The following GYS2 variants were observed in gnomAD, a reference collection of about 807,000 sequenced individuals.
GYS2 encodes the protein glycogen [starch] synthase, liver.
Under a neutral mutation model 85.6 loss-of-function variants are expected in GYS2, and 80 were observed. That is an observed-to-expected ratio of 0.93 (90% CI 0.78 to 1.13). The LOEUF (loss-of-function observed/expected upper bound fraction) is 1.13, where lower values mean the gene tolerates loss of function less well. Ranked by LOEUF, GYS2 falls within the 50% of genes most tolerant of loss-of-function variation. The probability of loss-of-function intolerance (pLI) is 0.00; values close to 1 mark genes in which losing one functional copy is unlikely to be tolerated. For missense variants in GYS2, 881 were observed against 854.9 expected (o/e 1.03, Z -0.38); for synonymous variants, 328 against 300.7 (o/e 1.09, Z -0.94).
At chr12:21,535,065 C>A (rs1327143150), downstream of GYS2, 1 of 152,180 alleles carries the variant, frequency 6.6e-6, no homozygotes, top group African/African-American at 2.4e-5. Context: ...GAATAGGGGA[C>A]TGAGTACAGG....
At chr12:21,545,712 AT>A (rs1944030657) in intron 12 of GYS2, among the ~76,000 whole-genome samples, 1 of 152,190 alleles carries the variant, frequency 6.6e-6, no homozygotes, top group African/African-American at 2.4e-5. Context: ...ATAAAATAAA[AT>A]AACAAAGGAG....
chr12:21,549,801 AATG>A (rs1238132087), intron 11 of GYS2, among the ~76,000 whole-genome samples: 2 of 152,030 alleles, frequency 1.3e-5, no homozygotes, highest in Non-Finnish European at 2.9e-5. Flanking sequence ...TTTTTTCATT[AATG>A]ATGATGTTTA....
chr12:21,537,384 A>T (rs1427274315), intron 15 of GYS2: 1 of 597,416 alleles, frequency 1.7e-6, no homozygotes, highest in Non-Finnish European at 3.0e-6. Flanking sequence ...AAGTACTGAA[A>T]TGTGCTAAGT....
intron 11 of GYS2, among the ~76,000 whole-genome samples, chr12:21,557,823 C>T (rs376555699): frequency 5.3e-5 from 8 of 152,006 alleles, no homozygotes; most frequent in African/African-American, 1.7e-4. Flanking sequence ...GGTGTGGACC[C>T]GGGAGGCGGA....
At chr12:21,551,440 C>T (rs951750200) in intron 11 of GYS2, among the ~76,000 whole-genome samples, 2 of 151,532 alleles carry the variant, frequency 1.3e-5, no homozygotes, top group Non-Finnish European at 2.9e-5. Flanking sequence ...GAAGATAAGA[C>T]ATAAAGAGGG....
chr12:21,597,095 A>G (rs1197774767), intron 1 of GYS2, among the ~76,000 whole-genome samples: 4 of 152,162 alleles, frequency 2.6e-5, no homozygotes, highest in Non-Finnish European at 5.9e-5. Flanking sequence ...ACTTAAAACT[A>G]TAAAACTACT....
intron 1 of GYS2, among the ~76,000 whole-genome samples, chr12:21,586,776 A>G (rs1944579389): frequency 6.6e-6 from 1 of 152,216 alleles, no homozygotes; most frequent in Non-Finnish European, 1.5e-5. Context: ...GATTTCTTAA[A>G]GAACTAGAAA....
At chr12:21,543,163 T>TA (rs1943999309) in intron 12 of GYS2, among the ~76,000 whole-genome samples, 8 of 152,232 alleles carry the variant, frequency 5.3e-5, no homozygotes, top group Admixed American at 5.2e-4. Context: ...AAATAACTGA[T>TA]ATGTCTTAAA....
At chr12:21,601,109 C>T (rs1944751525) in intron 1 of GYS2, among the ~76,000 whole-genome samples, 1 of 152,074 alleles carries the variant, frequency 6.6e-6, no homozygotes, top group Non-Finnish European at 1.5e-5. Context: ...ATGTTAATTT[C>T]TCCAGAGTTT....
chr12:21,573,891 C>CCCT (rs1944413854), intron 4 of GYS2, among the ~76,000 whole-genome samples: 1 of 152,194 alleles, frequency 6.6e-6, no homozygotes. Flanking sequence ...CCTACCATAT[C>CCCT]CCTCTGGAAC....
In GYS2 at chr12:21,589,566, A is replaced by T. The variant is rs1230531879; in HGVS notation, c.122-9043T>A. Among the ~76,000 whole-genome samples the T allele has an allele frequency of 2.0e-5, 3 of 152,204 alleles. No homozygotes were observed. In the East Asian group the frequency reaches 5.8e-4, roughly 29 times the overall value. On this transcript the variant is annotated intron_variant, in intron 1 of 15. Coordinates refer to ENST00000261195, the MANE Select transcript of GYS2 (RefSeq NM_021957.4). The stretch of plus-strand genomic sequence containing the variant: ...TTCTGGAATTCAACAGAGAAGTGAC[A>T]GGAAGCATCTAAGGCAATGAAGGGG...
At chr12:21,548,214 AT>A (rs890772734) in intron 11 of GYS2, among the ~76,000 whole-genome samples, 11 of 151,750 alleles carry the variant, frequency 7.2e-5, no homozygotes, top group South Asian at 2.1e-4. Context: ...CATGGAGAAA[AT>A]TTTTTTTTTG....
At chr12:21,602,409 C>T (rs1430589963) in intron 1 of GYS2, among the ~76,000 whole-genome samples, 1 of 151,934 alleles carries the variant, frequency 6.6e-6, no homozygotes, top group African/African-American at 2.4e-5. Context: ...TACCTCATAT[C>T]ACTACTATGA....
chr12:21,541,440 CG>C, intron 13 of GYS2, among the ~76,000 whole-genome samples: 1 of 151,866 alleles, frequency 6.6e-6, no homozygotes, highest in Non-Finnish European at 1.5e-5. Flanking sequence ...TAAGTTGTCA[CG>C]GGCCTTTAAA....
chr12:21,546,920 A>G (rs887128960), intron 11 of GYS2, among the ~76,000 whole-genome samples: 5 of 152,308 alleles, frequency 3.3e-5, no homozygotes, highest in Middle Eastern at 3.4e-3. Context: ...CTGAAATGGA[A>G]CTAAGGGACA....
chr12:21,557,976 G>A (rs898760082), intron 11 of GYS2, among the ~76,000 whole-genome samples: 1 of 152,118 alleles, frequency 6.6e-6, no homozygotes. Flanking sequence ...GGAAATAAAT[G>A]CTAGAATTGT....
chr12:21,539,269 A>C lies in GYS2; in HGVS notation c.1879T>G (p.Ser627Ala). Residue 627 changes from serine to alanine, a missense_variant, in exon 15 of 16, where the codon TCA (serine) becomes GCA (alanine). Coordinates refer to ENST00000261195, the MANE Select transcript of GYS2 (RefSeq NM_021957.4). ...FPDKFHVELT[S>A]PPTTEGFKYP... The stretch of plus-strand genomic sequence containing the variant: ...CATTGAATATTTACCGTTGGTGGTG[A>C]TGTTAGTTCCACATGGAATTTATCT... 1 of 1,562,804 alleles carries C rather than the reference A, an allele frequency of 6.4e-7. No homozygotes were observed. The highest frequency in any genetic ancestry group is 8.8e-7 in the Non-Finnish European group (1 of 1,133,340).
At chr12:21,575,800 A>T (rs1159210107) in intron 3 of GYS2, 66 bp downstream of exon 3, 2 of 1,196,718 alleles carry the variant, frequency 1.7e-6, no homozygotes, top group African/African-American at 1.5e-5. Context: ...AGATCATGGG[A>T]TCATTCTTGG....
chr12:21,583,491 G>T (rs1944535299), intron 1 of GYS2, among the ~76,000 whole-genome samples: 1 of 152,164 alleles, frequency 6.6e-6, no homozygotes, highest in South Asian at 2.1e-4. Context: ...TCTGCCACAG[G>T]TCCAGGCTGC....
Sources: gnomAD v4.1 joint callset for allele counts (sites outside exome capture counted in the v4.1 genomes callset) on GRCh38, gnomAD v4.1.1 for gene constraint, MANE v1.5 for transcripts, NCBI Gene and HGNC (gene_info 2026-07-23, HGNC 2026-07-21) for gene names.